The following PRDM11 variants were observed in gnomAD, a reference collection of about 807,000 sequenced individuals.
PRDM11 encodes the protein PR/SET domain 11.
Under a neutral mutation model 97.8 loss-of-function variants are expected in PRDM11, and 20 were observed. The observed-to-expected ratio is 0.20, with a 90% CI of 0.14 to 0.30. PRDM11 has a LOEUF of 0.30. Among genes scored for constraint, PRDM11 ranks in the 10% least tolerant of loss-of-function variants. PRDM11 has a pLI of 1.00. For missense variants in PRDM11, 1,139 were observed against 1,555.2 expected, an observed-to-expected ratio of 0.73 and a Z score of 4.50; for synonymous variants, 599 against 637.7, an observed-to-expected ratio of 0.94 and a Z score of 0.91.
rs1302287126 is a variant in PRDM11 at position 45,198,107 on chromosome 11, G to T, written c.487-6604G>T. Among the ~76,000 whole-genome samples the T allele has an allele frequency of 2.0e-5, 3 of 152,186 alleles. No homozygotes were observed. The South Asian group carries it at 6.2e-4, about 32-fold the overall frequency. On this transcript the variant is annotated intron_variant, in intron 4 of 7. Coordinates refer to ENST00000683152, the MANE Select transcript of PRDM11 (RefSeq NM_001384648.1). ...ATTAGGGCAGATGGGTTAAATCATG[G>T]TTCTTGAGCTTTTTTGAATCACCTA... is the stretch of plus-strand genomic sequence containing the variant.
intron 4 of PRDM11, among the ~76,000 whole-genome samples, chr11:45,195,369 A>G (rs1001775091): frequency 3.3e-5 from 5 of 151,748 alleles, no homozygotes; most frequent in Admixed American, 6.6e-5. Context: ...CCCTTAACCC[A>G]CATCTTCAAC....
chr11:45,233,167 A>G lies in PRDM11; in HGVS notation c.*5008A>G, dbSNP rs1854432536. The G allele has an allele frequency of 6.6e-6, 1 of 152,220 alleles. No homozygotes were observed. Among genetic ancestry groups the G allele is most frequent in the Non-Finnish European group, 1.5e-5 (1 of 68,056 alleles). The allele number at this position is 152,220 out of a possible 1,614,324, so 9.4% of individuals were successfully genotyped here. A position where few individuals can be genotyped will look rare whatever the true frequency, so the allele number is the denominator to read the frequency against. On this transcript the variant is annotated 3_prime_UTR_variant, in exon 8 of 8. Coordinates refer to ENST00000683152, the MANE Select transcript of PRDM11 (RefSeq NM_001384648.1). ...ATAGATATAAAAATAGAGTCTATAG[A>G]GCTGGGAGAGCAGTGGGAAGCCTGG... is the stretch of plus-strand genomic sequence containing the variant.
intron 1 of PRDM11, 136 bp from the exon 2 acceptor site, chr11:45,181,625 T>C (rs1852503308): frequency 1.5e-6 from 1 of 682,062 alleles, no homozygotes; most frequent in Non-Finnish European, 2.6e-6. Flanking sequence ...GTCTGTGTTC[T>C]CAAGTGCTTC....
At chr11:45,212,488 G>T (rs980127458) in intron 5 of PRDM11, 3 of 422,082 alleles carry the variant, frequency 7.1e-6, no homozygotes, top group Admixed American at 5.5e-5. Context: ...ATGAGGAGGC[G>T]CCTGGGCCCT....
At chr11:45,166,149 G>A (rs1852058866) in intron 1 of PRDM11, among the ~76,000 whole-genome samples, 1 of 152,218 alleles carries the variant, frequency 6.6e-6, no homozygotes, top group Non-Finnish European at 1.5e-5. Context: ...AGCTCTAGGA[G>A]GATCTTGAGA....
At chr11:45,197,135 T>C (rs1342714196) in intron 4 of PRDM11, among the ~76,000 whole-genome samples, 1 of 152,200 alleles carries the variant, frequency 6.6e-6, no homozygotes, top group Non-Finnish European at 1.5e-5. Context: ...TCAACATGCC[T>C]CATTAACTAG....
At chr11:45,180,754 G>T (rs1242830090) in intron 1 of PRDM11, among the ~76,000 whole-genome samples, 24 of 149,754 alleles carry the variant, frequency 1.6e-4, no homozygotes, top group Admixed American at 3.3e-4. Flanking sequence ...GAGGGGGAGA[G>T]CCCGCCCGCG....
chr11:45,153,487 C>CT (rs1306908856), intron 1 of PRDM11, among the ~76,000 whole-genome samples: 2 of 152,208 alleles, frequency 1.3e-5, no homozygotes, highest in Non-Finnish European at 2.9e-5. Context: ...CAGTGAATGG[C>CT]TTAGGGCCAG....
intron 1 of PRDM11, among the ~76,000 whole-genome samples, chr11:45,163,493 G>GT (rs924304075): frequency 3.9e-4 from 59 of 151,828 alleles, no homozygotes; most frequent in South Asian, 4.2e-4. Flanking sequence ...GAGGATGGGG[G>GT]GGGGTACCCG....
At chr11:45,174,771 A>G (rs1852287899) in intron 1 of PRDM11, among the ~76,000 whole-genome samples, 2 of 152,212 alleles carry the variant, frequency 1.3e-5, no homozygotes, top group Non-Finnish European at 2.9e-5. Context: ...CAGAAGCAAA[A>G]AGAAGAAAAC....
intron 1 of PRDM11, chr11:45,147,512 A>C (rs1359594157): frequency 6.6e-6 from 1 of 152,322 alleles, no homozygotes; most frequent in East Asian, 1.9e-4. Flanking sequence ...TTTAAGTGTC[A>C]GTTGCGGTGT....
At chr11:45,101,730 A>C (rs1184872568) in intron 1 of PRDM11, among the ~76,000 whole-genome samples, 5 of 13,390 alleles carry the variant, frequency 3.7e-4, no homozygotes, top group African/African-American at 4.0e-4. Context: ...GAGGAAGAAG[A>C]AGGCGTTCAG....
chr11:45,172,872 G>A (rs972401565), intron 1 of PRDM11, among the ~76,000 whole-genome samples: 2 of 152,162 alleles, frequency 1.3e-5, no homozygotes, highest in African/African-American at 4.8e-5. Flanking sequence ...GCAAATGAAT[G>A]TGTGTTTCTT....
chr11:45,194,592 GTTTTTTTTTTT>G (rs869144098), intron 4 of PRDM11, among the ~76,000 whole-genome samples: 4 of 70,890 alleles, frequency 5.6e-5, no homozygotes, highest in African/African-American at 2.0e-4. Context: ...ATTATCTTCT[GTTTTTTTTTTT>G]TTTTTTTTTT....
At chr11:45,157,391 A>G (rs1002726625) in intron 1 of PRDM11, among the ~76,000 whole-genome samples, 1 of 152,098 alleles carries the variant, frequency 6.6e-6, no homozygotes, top group Non-Finnish European at 1.5e-5. Context: ...ATGATAATCT[A>G]GTGCTGCCTG....
intron 5 of PRDM11, among the ~76,000 whole-genome samples, chr11:45,208,278 A>G (rs1853587807): frequency 6.6e-6 from 1 of 152,010 alleles, no homozygotes; most frequent in African/African-American, 2.4e-5. Context: ...GAAGAGAGCC[A>G]CTAGGCAGAA....
At chr11:45,223,142 C>T (rs1157033308) in intron 6 of PRDM11, among the ~76,000 whole-genome samples, 1 of 152,112 alleles carries the variant, frequency 6.6e-6, no homozygotes, top group East Asian at 1.9e-4. Context: ...ATGGCGAAAC[C>T]CTATCTCCAC....
chr11:45,221,825 A>C (rs899294960), intron 6 of PRDM11, among the ~76,000 whole-genome samples: 1 of 152,270 alleles, frequency 6.6e-6, no homozygotes, highest in Admixed American at 6.5e-5. Context: ...GGGAATGGTC[A>C]TGGAGCTCAG....
chr11:45,182,130 C>A, intron 2 of PRDM11, 116 bp from the exon 3 acceptor site: 2 of 914,098 alleles, frequency 2.2e-6, no homozygotes, highest in Non-Finnish European at 1.7e-6. Flanking sequence ...GCTGGGACTC[C>A]TCTGCCCACC....
Sources: allele counts gnomAD v4.1 joint callset (sites outside exome capture counted in the v4.1 genomes callset), GRCh38; gene constraint gnomAD v4.1.1; transcripts MANE v1.5; gene names NCBI Gene and HGNC (gene_info 2026-07-23, HGNC 2026-07-21).